Variants in THSD4 observed in about 807,000 individuals in gnomAD.
The protein encoded by THSD4 is thrombospondin type-1 domain-containing protein 4.
A neutral mutation model predicts 119.0 loss-of-function variants in THSD4; 69 were observed. The ratio of observed to expected loss-of-function variants is 0.58; its 90% CI spans 0.48 to 0.71. The LOEUF is 0.71. THSD4 is among the 30% of genes least tolerant of loss of function. The probability of loss-of-function intolerance (pLI) is 0.00; values close to 1 mark genes in which losing one functional copy is unlikely to be tolerated. For missense variants in THSD4, 1,393 were observed against 1,391.1 expected, an observed-to-expected ratio of 1.00 and a Z score of -0.02; for synonymous variants, 524 against 540.4, an observed-to-expected ratio of 0.97 and a Z score of 0.42.
intron 3 of THSD4, among the ~76,000 whole-genome samples, chr15:71,199,614 TGTGTGGGTGTGTG>T (rs1165791390): frequency 1.8e-5 from 2 of 112,028 alleles, no homozygotes; most frequent in African/African-American, 8.1e-5. Context: ...GTGTGTGTGG[TGTGTGGGTGTGTG>T]GTGTGTGTGG....
At chr15:71,302,083 G>C (rs904725357) in intron 6 of THSD4, among the ~76,000 whole-genome samples, 3 of 152,224 alleles carry the variant, frequency 2.0e-5, no homozygotes, top group Non-Finnish European at 4.4e-5. Flanking sequence ...ACTGAGGTTT[G>C]AAGTAGCATG....
chr15:71,727,443 C>G (rs1004904813), intron 8 of THSD4, among the ~76,000 whole-genome samples: 1 of 150,744 alleles, frequency 6.6e-6, no homozygotes, highest in African/African-American at 2.5e-5. Flanking sequence ...CACCTGTAAT[C>G]CCAGCACTTT....
chr15:71,698,425 T>C (rs2052211441), intron 8 of THSD4, among the ~76,000 whole-genome samples: 2 of 151,060 alleles, frequency 1.3e-5, no homozygotes, highest in African/African-American at 4.9e-5. Flanking sequence ...AGTATGGAGG[T>C]TCCTCAAAGA....
chr15:71,642,139 C>T (rs887624583), intron 7 of THSD4, among the ~76,000 whole-genome samples: 14 of 152,038 alleles, frequency 9.2e-5, no homozygotes, highest in South Asian at 6.2e-4. Context: ...TGCCTGTCAC[C>T]GGAGAAAGTC....
intron 7 of THSD4, among the ~76,000 whole-genome samples, chr15:71,618,849 A>G (rs1278876156): frequency 6.6e-6 from 1 of 152,120 alleles, no homozygotes; most frequent in Non-Finnish European, 1.5e-5. Flanking sequence ...AAGTGCTGGG[A>G]TTACAGACAT....
At chr15:71,260,828 C>T (rs374757391) in intron 6 of THSD4, among the ~76,000 whole-genome samples, 21 of 152,256 alleles carry the variant, frequency 1.4e-4, no homozygotes, top group East Asian at 3.9e-4. Context: ...AGGCCAGGTG[C>T]GGTGGCTCAC....
At chr15:71,371,562 T>A (rs1194682042) in intron 6 of THSD4, among the ~76,000 whole-genome samples, 1 of 152,212 alleles carries the variant, frequency 6.6e-6, no homozygotes, top group Non-Finnish European at 1.5e-5. Context: ...GGATATGAAA[T>A]TCTAGGTTGA....
rs1205001484 is a variant in THSD4, at chr15:71,777,323, C to T, written c.3006C>T (p.Ala1002=). 1.2e-6 allele frequency: 2 copies of T among 1,614,228 alleles called. No homozygotes were observed. The highest frequency in any genetic ancestry group is 2.2e-5 in the South Asian group (2 of 91,090). The part of the protein sequence containing the change: ...VYNYYKTACC[A]SCTRVANRQT... ...ACTACTACAAGACCGCCTGCTGTGC[C>T]TCCTGCACCCGTGTGGCCAACAGGC... Residue 1002 remains alanine (A), a synonymous_variant, in exon 18 of 18, where the codon GCC becomes GCT. Coordinates refer to ENST00000261862, the MANE Select transcript of THSD4 (RefSeq NM_024817.3).
At chr15:71,354,768 C>T (rs1196954658) in intron 6 of THSD4, among the ~76,000 whole-genome samples, 1 of 152,198 alleles carries the variant, frequency 6.6e-6, no homozygotes, top group African/African-American at 2.4e-5. Context: ...CTAGATTATC[C>T]TAAATTTCCT....
intron 6 of THSD4, among the ~76,000 whole-genome samples, chr15:71,349,604 G>A (rs1005782831): frequency 6.6e-6 from 1 of 152,218 alleles, no homozygotes; most frequent in Non-Finnish European, 1.5e-5. Flanking sequence ...CTGGGAGGTA[G>A]CATTCCCATT....
chr15:71,568,568 C>CTTTTTTTTTTTTTTTTTTT (rs61430926), intron 7 of THSD4, among the ~76,000 whole-genome samples: 2 of 137,872 alleles, frequency 1.5e-5, no homozygotes, highest in Non-Finnish European at 3.1e-5. Context: ...CTCTTTTTCT[C>CTTTTTTTTTTTTTTTTTTT]TTTTTTTTTT....
chr15:71,397,808 A>G (rs923975096), intron 6 of THSD4, among the ~76,000 whole-genome samples: 1 of 152,228 alleles, frequency 6.6e-6, no homozygotes. Context: ...CATCTGTAAA[A>G]TGGGATAGTA....
chr15:71,431,330 A>C (rs1043664522), intron 7 of THSD4, among the ~76,000 whole-genome samples: 1 of 152,186 alleles, frequency 6.6e-6, no homozygotes, highest in African/African-American at 2.4e-5. Context: ...TATACAGTCC[A>C]ACTGGATAAT....
chr15:71,210,869 C>A (rs550876106), intron 3 of THSD4, among the ~76,000 whole-genome samples: 14 of 152,190 alleles, frequency 9.2e-5, no homozygotes, highest in African/African-American at 3.4e-4. Context: ...TAACTGGGCT[C>A]CTATTCATGA....
chr15:71,117,184 C>T (rs1171439860), intron 1 of THSD4, among the ~76,000 whole-genome samples: 1 of 152,188 alleles, frequency 6.6e-6, no homozygotes, highest in East Asian at 1.9e-4. Context: ...GTGATCTCCT[C>T]TGTGCCCAGC....
At chr15:71,733,233 A>G (rs930894332) in intron 10 of THSD4, 2 of 152,204 alleles carry the variant, frequency 1.3e-5, no homozygotes, top group African/African-American at 4.8e-5. Flanking sequence ...AAAGTTGGTA[A>G]GCAGGGGCAT....
intron 7 of THSD4, among the ~76,000 whole-genome samples, chr15:71,636,399 G>T (rs2050740569): frequency 6.6e-6 from 1 of 151,986 alleles, no homozygotes; most frequent in Non-Finnish European, 1.5e-5. Context: ...CTCCAGCCTG[G>T]GCAACAGAGC....
intron 6 of THSD4, among the ~76,000 whole-genome samples, chr15:71,338,056 A>C (rs2045511437): frequency 6.6e-6 from 1 of 152,222 alleles, no homozygotes; most frequent in African/African-American, 2.4e-5. Flanking sequence ...CTGTTCTATC[A>C]TTAAACTGTT....
chr15:71,199,645 G>GATGTA (rs2043761564), intron 3 of THSD4, among the ~76,000 whole-genome samples: 1 of 146,228 alleles, frequency 6.8e-6, no homozygotes, highest in Admixed American at 6.7e-5. Flanking sequence ...TGGTGTGTGT[G>GATGTA]TGGTGTGTGT....
Sources: gnomAD v4.1 joint callset for allele counts (sites outside exome capture counted in the v4.1 genomes callset) on GRCh38, gnomAD v4.1.1 for gene constraint, MANE v1.5 for transcripts, NCBI Gene and HGNC (gene_info 2026-07-23, HGNC 2026-07-21) for gene names.